Variants in NCKAP5 observed in about 807,000 individuals in gnomAD.
NCKAP5 encodes the protein NCK associated protein 5.
Under a neutral mutation model 167.0 loss-of-function variants are expected in NCKAP5, and 92 were observed. That is an observed-to-expected ratio of 0.55 (90% CI 0.47 to 0.66). The LOEUF (loss-of-function observed/expected upper bound fraction) is 0.66, where lower values mean the gene tolerates loss of function less well. Among genes scored for constraint, NCKAP5 ranks in the 30% least tolerant of loss-of-function variants. The pLI, the probability that NCKAP5 is intolerant of heterozygous loss-of-function variation, is 0.00. For synonymous variants in NCKAP5, 891 were observed against 877.4 expected, an observed-to-expected ratio of 1.02 and a Z score of -0.27; for missense variants, 2,378 against 2,315.0, an observed-to-expected ratio of 1.03 and a Z score of -0.56.
chr2:133,317,313 A>AT (rs775231264), intron 3 of NCKAP5, among the ~76,000 whole-genome samples: 4 of 152,170 alleles, frequency 2.6e-5, no homozygotes, highest in Non-Finnish European at 5.9e-5. Context: ...CAGATTGAAC[A>AT]TAAGAGCAGG....
At position 133,540,106 on chromosome 2, in the gene NCKAP5, G is replaced by C. The variant is rs185466829; in HGVS notation, c.-62+18944C>G. On this transcript the variant is annotated intron_variant, in intron 2 of 19. Coordinates refer to ENST00000409261, the MANE Select transcript of NCKAP5 (RefSeq NM_207363.3). Reference sequence around the variant, plus strand: ...TGCGGTAGGGGAATTGCTTGAACCCGGGAGGCAGAGCTTGCAGTGAGCCGA... The same window carrying C: ...TGCGGTAGGGGAATTGCTTGAACCCCGGAGGCAGAGCTTGCAGTGAGCCGA... 2.6e-5 allele frequency among the ~76,000 whole-genome samples: 4 copies of C among 151,570 alleles called. No homozygotes were observed. The East Asian group carries it at 7.8e-4, about 30-fold the overall frequency.
chr2:133,519,613 C>T (rs1372031776), intron 2 of NCKAP5, among the ~76,000 whole-genome samples: 1 of 152,152 alleles, frequency 6.6e-6, no homozygotes, highest in African/African-American at 2.4e-5. Flanking sequence ...AAGTCTTGAT[C>T]CCAAAGAGCA....
At chr2:133,492,088 A>C (rs1053310231) in intron 3 of NCKAP5, among the ~76,000 whole-genome samples, 2 of 147,756 alleles carry the variant, frequency 1.4e-5, no homozygotes, top group African/African-American at 5.0e-5. Context: ...TCTCTGATGC[A>C]TCTCCCATCC....
chr2:133,180,405 G>A (rs10188336), intron 5 of NCKAP5, among the ~76,000 whole-genome samples: 49,827 of 151,712 alleles, frequency 0.33, 9,064 homozygotes, highest in East Asian at 0.74. Context: ...CATGATCTAG[G>A]CTCACGGCAG....
intron 11 of NCKAP5, among the ~76,000 whole-genome samples, chr2:132,830,415 C>A (rs542157494): frequency 6.6e-6 from 1 of 151,930 alleles, no homozygotes; most frequent in African/African-American, 2.4e-5. Context: ...AGTCTAAGGA[C>A]AGTCTGTTTC....
intron 6 of NCKAP5, among the ~76,000 whole-genome samples, chr2:133,084,117 G>T (rs2080903291): frequency 6.6e-6 from 1 of 152,100 alleles, no homozygotes; most frequent in Non-Finnish European, 1.5e-5. Context: ...AAGCATGAAA[G>T]AACACAGTGT....
intron 6 of NCKAP5, among the ~76,000 whole-genome samples, chr2:133,044,309 G>A (rs185626015): frequency 3.3e-5 from 5 of 152,130 alleles, no homozygotes; most frequent in Admixed American, 1.3e-4. Flanking sequence ...AAAAATGCAA[G>A]ACACAAAGTG....
intron 4 of NCKAP5, among the ~76,000 whole-genome samples, chr2:133,215,294 A>G (rs990455495): frequency 1.6e-4 from 25 of 152,238 alleles, no homozygotes; most frequent in Non-Finnish European, 3.4e-4. Context: ...CAAATAATTG[A>G]AAAAGAAGGA....
chr2:133,191,756 C>T (rs10187152), intron 5 of NCKAP5, among the ~76,000 whole-genome samples: 9,701 of 151,850 alleles, frequency 0.064, 401 homozygotes, highest in East Asian at 0.16. Context: ...CATCACACAC[C>T]GGGGCCTGTC....
intron 5 of NCKAP5, among the ~76,000 whole-genome samples, chr2:133,148,608 C>T (rs1054780847): frequency 6.6e-6 from 1 of 152,086 alleles, no homozygotes; most frequent in Non-Finnish European, 1.5e-5. Context: ...AACTTTATTT[C>T]TCACAGTTTT....
At chr2:132,952,631 C>T (rs981765523) in intron 8 of NCKAP5, among the ~76,000 whole-genome samples, 1 of 152,172 alleles carries the variant, frequency 6.6e-6, no homozygotes. Flanking sequence ...GAGGAATCTT[C>T]GGCTGCCTAT....
At chr2:133,225,580 C>A (rs1258606354) in intron 4 of NCKAP5, among the ~76,000 whole-genome samples, 1 of 152,056 alleles carries the variant, frequency 6.6e-6, no homozygotes, top group Admixed American at 6.6e-5. Flanking sequence ...TTTACACACA[C>A]GAGGGTGAGT....
chr2:133,480,384 A>C (rs1030728661), intron 3 of NCKAP5, among the ~76,000 whole-genome samples: 1 of 151,796 alleles, frequency 6.6e-6, no homozygotes, highest in Admixed American at 6.6e-5. Context: ...TCTGTGAAGG[A>C]GTATCTGTTG....
chr2:133,673,695 T>TG, the NCKAP5 span, among the ~76,000 whole-genome samples: 2 of 152,262 alleles, frequency 1.3e-5, no homozygotes, highest in African/African-American at 4.8e-5. Flanking sequence ...CCGTTTATCT[T>TG]GGCAGCAGGT....
At chr2:133,396,003 C>A (rs897240491) in intron 3 of NCKAP5, among the ~76,000 whole-genome samples, 2 of 152,084 alleles carry the variant, frequency 1.3e-5, no homozygotes, top group Admixed American at 6.6e-5. Flanking sequence ...ATCTCCTTCA[C>A]ATTTTCTTTC....
At chr2:133,600,671 C>T in the NCKAP5 span, among the ~76,000 whole-genome samples, 4 of 152,190 alleles carry the variant, frequency 2.6e-5, no homozygotes, top group Non-Finnish European at 5.9e-5. Flanking sequence ...ATGTCTCATC[C>T]CTAGGAAGCA....
At chr2:133,204,846 A>T (rs1289967599) in intron 5 of NCKAP5, among the ~76,000 whole-genome samples, 1 of 152,196 alleles carries the variant, frequency 6.6e-6, no homozygotes, top group African/African-American at 2.4e-5. Context: ...TACAATGTGC[A>T]TTTCTCTGAA....
upstream of NCKAP5, among the ~76,000 whole-genome samples, chr2:133,571,017 A>T (rs114988986): frequency 0.019 from 2,833 of 152,290 alleles, 105 homozygotes; most frequent in African/African-American, 0.065. Flanking sequence ...AGGGGGGAAA[A>T]AAAAGTCCAA....
chr2:133,032,727 A>C (rs1040113512), intron 6 of NCKAP5, among the ~76,000 whole-genome samples: 5 of 152,170 alleles, frequency 3.3e-5, no homozygotes, highest in African/African-American at 1.2e-4. Flanking sequence ...AAAACCTGAG[A>C]CTGGGTAATT....
Sources: allele counts gnomAD v4.1 joint callset (sites outside exome capture counted in the v4.1 genomes callset), GRCh38; gene constraint gnomAD v4.1.1; transcripts MANE v1.5; gene names NCBI Gene and HGNC (gene_info 2026-07-23, HGNC 2026-07-21).